Variants in TIMP3 observed in about 807,000 individuals in gnomAD.
TIMP3 encodes the protein TIMP metallopeptidase inhibitor 3, also known as metalloproteinase inhibitor 3.
TIMP3 carries 11 observed loss-of-function variants against 30.0 expected under a neutral mutation model. The observed-to-expected ratio is 0.37, with a 90% CI of 0.23 to 0.61. TIMP3 has a LOEUF of 0.61. TIMP3 is among the 20% of genes least tolerant of loss of function. The probability of loss-of-function intolerance (pLI) is 0.70; values close to 1 mark genes in which losing one functional copy is unlikely to be tolerated. For synonymous variants in TIMP3, 112 were observed against 111.3 expected, an observed-to-expected ratio of 1.01 and a Z score of -0.04; for missense variants, 181 against 276.8, an observed-to-expected ratio of 0.65 and a Z score of 2.45.
intron 1 of TIMP3, among the ~76,000 whole-genome samples, chr22:32,829,215 C>T (rs2047502355): frequency 6.6e-6 from 1 of 152,198 alleles, no homozygotes; most frequent in Admixed American, 6.5e-5. Context: ...CCATGAGGTG[C>T]GTTGAACATT....
intron 1 of TIMP3, among the ~76,000 whole-genome samples, chr22:32,824,277 C>A (rs140170602): frequency 4.3e-4 from 57 of 133,140 alleles, no homozygotes; most frequent in South Asian, 5.2e-4. Context: ...GACTCCATCT[C>A]AAAAAAAAAA....
At chr22:32,832,175 C>A (rs2047592567) in intron 1 of TIMP3, among the ~76,000 whole-genome samples, 1 of 152,196 alleles carries the variant, frequency 6.6e-6, no homozygotes, top group Non-Finnish European at 1.5e-5. Context: ...CTAGAAGAGG[C>A]AGCTGAAGCA....
At chr22:32,826,705 A>G (rs748246141) in intron 1 of TIMP3, among the ~76,000 whole-genome samples, 35 of 152,232 alleles carry the variant, frequency 2.3e-4, no homozygotes, top group Non-Finnish European at 4.1e-4. Flanking sequence ...TTGAGCTGGA[A>G]TAAAATGTAC....
intron 1 of TIMP3, among the ~76,000 whole-genome samples, chr22:32,812,427 A>G (rs2046939588): frequency 6.6e-6 from 1 of 152,232 alleles, no homozygotes; most frequent in Admixed American, 6.5e-5. Flanking sequence ...TTTGCCAAAC[A>G]GACAGCAACC....
chr22:32,801,744 TCTC>T lies in TIMP3; in HGVS notation c.-248_-246del. On this transcript the variant is annotated 5_prime_UTR_variant, in exon 1 of 5. Coordinates refer to ENST00000266085, the MANE Select transcript of TIMP3 (RefSeq NM_000362.5). This position sits in a 1 kb window ranked among gnomAD's most constrained non-coding sequence, Gnocchi z 4.7. ...GCAGGCGGCGGGCGCTCAGACGGCT[TCTC>T]CTCCTCCTCTTGCTCCTCCAGCTCC... 3.4e-5 allele frequency: 8 copies of T among 234,842 alleles called. No individual in the cohort carries two copies. The highest frequency in any genetic ancestry group is 1.0e-4 in the East Asian group (1 of 9,608). 14.5% of individuals were successfully genotyped at this position (234,842 alleles called of 1,614,324 possible).
In TIMP3 at chr22:32,802,100, C is replaced by T; in HGVS notation, c.99C>T (p.Asp33=). 1 of 1,581,986 alleles carries T rather than the reference C, an allele frequency of 6.3e-7. No individual in the cohort carries two copies. Among genetic ancestry groups the T allele is most frequent in the Non-Finnish European group, 8.6e-7 (1 of 1,169,298 alleles). The part of the protein sequence containing the change: ...ACTCSPSHPQ[D]AFCNSDIVIR... ...CATGCTCGCCCAGCCACCCCCAGGA[C>T]GCCTTCTGCAACTCCGACATCGGTA... is the stretch of plus-strand genomic sequence containing the variant. The change falls in exon 1 of 5, where the codon GAC becomes GAT. Residue 33 remains aspartate, a synonymous_variant. Coordinates refer to ENST00000266085, the MANE Select transcript of TIMP3 (RefSeq NM_000362.5).
chr22:32,843,559 T>C (rs1235564532), intron 1 of TIMP3, among the ~76,000 whole-genome samples: 2 of 152,198 alleles, frequency 1.3e-5, no homozygotes, highest in Non-Finnish European at 2.9e-5. Flanking sequence ...TGGGAGATGA[T>C]AAAATACACA....
At chr22:32,856,125 G>A (rs1231707539) in intron 2 of TIMP3, among the ~76,000 whole-genome samples, 2 of 152,252 alleles carry the variant, frequency 1.3e-5, no homozygotes, top group African/African-American at 4.8e-5. Context: ...GAGAATGTGA[G>A]TGAGAATGTT....
intron 1 of TIMP3, among the ~76,000 whole-genome samples, chr22:32,847,803 G>T (rs564748499): frequency 2.0e-5 from 3 of 152,192 alleles, no homozygotes; most frequent in Non-Finnish European, 4.4e-5. Context: ...AGATTGATAG[G>T]ATCTCAGGGC....
chr22:32,840,657 C>G (rs1291139861), intron 1 of TIMP3, among the ~76,000 whole-genome samples: 1 of 152,150 alleles, frequency 6.6e-6, no homozygotes, highest in Non-Finnish European at 1.5e-5. Context: ...GCCCCCCACC[C>G]AGATCAGATC....
chr22:32,858,318 G>C (rs1168289244), intron 4 of TIMP3, among the ~76,000 whole-genome samples, 180 bp downstream of exon 4: 1 of 152,230 alleles, frequency 6.6e-6, no homozygotes, highest in East Asian at 1.9e-4. Flanking sequence ...GTGGGGCAGT[G>C]AGGAAGGCAG....
At chr22:32,836,826 G>A (rs1269624218) in intron 1 of TIMP3, among the ~76,000 whole-genome samples, 1 of 152,124 alleles carries the variant, frequency 6.6e-6, no homozygotes, top group East Asian at 1.9e-4. Flanking sequence ...CCACATGAAG[G>A]GTAAGTTATA....
At chr22:32,855,880 G>C (rs144857567) in intron 2 of TIMP3, among the ~76,000 whole-genome samples, 4 of 152,126 alleles carry the variant, frequency 2.6e-5, no homozygotes, top group African/African-American at 4.8e-5. Flanking sequence ...GCAATTTCAC[G>C]TGGTTCAATC....
intron 4 of TIMP3, among the ~76,000 whole-genome samples, chr22:32,858,352 G>A (rs5998647): frequency 6.6e-6 from 1 of 152,172 alleles, no homozygotes; most frequent in Non-Finnish European, 1.5e-5. Flanking sequence ...CCTTTCTGCT[G>A]TAATCGGCTG....
At chr22:32,847,905 C>A (rs1043497343) in intron 1 of TIMP3, among the ~76,000 whole-genome samples, 9 of 152,232 alleles carry the variant, frequency 5.9e-5, no homozygotes, top group African/African-American at 1.9e-4. Flanking sequence ...GTATCCAGCA[C>A]CCTCATCACA....
chr22:32,835,228 A>G (rs923636731), intron 1 of TIMP3, among the ~76,000 whole-genome samples: 6 of 152,230 alleles, frequency 3.9e-5, no homozygotes, highest in African/African-American at 1.4e-4. Context: ...ATAAGGGCCA[A>G]GATGGAAAAG....
intron 1 of TIMP3, among the ~76,000 whole-genome samples, chr22:32,839,263 G>A (rs2146185787): frequency 6.6e-6 from 1 of 152,164 alleles, no homozygotes; most frequent in African/African-American, 2.4e-5. Context: ...GGAGGTGTAG[G>A]TGAGGATGTA....
chr22:32,831,527 C>G (rs1031718279), intron 1 of TIMP3, among the ~76,000 whole-genome samples: 1 of 152,160 alleles, frequency 6.6e-6, no homozygotes, highest in African/African-American at 2.4e-5. Flanking sequence ...GGCAGTAAAG[C>G]CTGGTCCCCA....
intron 1 of TIMP3, among the ~76,000 whole-genome samples, chr22:32,824,456 T>C (rs946818316): frequency 6.6e-6 from 1 of 151,998 alleles, no homozygotes; most frequent in Non-Finnish European, 1.5e-5. Context: ...CGTAGTCATA[T>C]AGGGACTGGC....
Sources: gnomAD v4.1 joint callset for allele counts (sites outside exome capture counted in the v4.1 genomes callset) on GRCh38, gnomAD v4.1.1 for gene constraint, Gnocchi (gnomAD v3.1) non-coding constraint, MANE v1.5 for transcripts, NCBI Gene and HGNC (gene_info 2026-07-23, HGNC 2026-07-21) for gene names.